PIK3AP1: variants seen among roughly 807,000 people sequenced by gnomAD.
PIK3AP1 encodes the protein phosphoinositide-3-kinase adaptor protein 1.
In PIK3AP1, 21 loss-of-function variants were observed where a neutral mutation model predicts 88.1. That is an observed-to-expected ratio of 0.24 (90% confidence interval 0.17 to 0.34). The LOEUF (loss-of-function observed/expected upper bound fraction) is 0.34. Ranked by LOEUF, PIK3AP1 falls within the 10% of genes least tolerant of loss-of-function variation. PIK3AP1 has a pLI of 1.00. For synonymous variants in PIK3AP1, 398 were observed against 400.0 expected, an observed-to-expected ratio of 1.00 and a Z score of 0.06; for missense variants, 828 against 1,035.7, an observed-to-expected ratio of 0.80 and a Z score of 2.75.
At chr10:96,648,567 G>C in intron 7 of PIK3AP1, 92 bp downstream of exon 7, 1 of 1,323,494 alleles carries the variant, frequency 7.6e-7, no homozygotes, top group Non-Finnish European at 1.0e-6. Flanking sequence ...GGACATGCTA[G>C]AGATAAAATC....
At chr10:96,632,753 A>G (rs1307441450) in intron 8 of PIK3AP1, 1 of 1,108,328 alleles carries the variant, frequency 9.0e-7, no homozygotes, top group Non-Finnish European at 1.3e-6. Context: ...TCACAGGATG[A>G]TTAGAAGCGT....
At chr10:96,615,380 T>C (rs933565326) in intron 13 of PIK3AP1, among the ~76,000 whole-genome samples, 2 of 152,130 alleles carry the variant, frequency 1.3e-5, no homozygotes, top group African/African-American at 4.8e-5. Context: ...ATGGGTTAAC[T>C]ATAGAGGGGC....
At chr10:96,643,569 G>A (rs1564967126) in intron 8 of PIK3AP1, among the ~76,000 whole-genome samples, 1 of 152,160 alleles carries the variant, frequency 6.6e-6, no homozygotes, top group East Asian at 1.9e-4. Context: ...GTTAGGTGAC[G>A]GAGAGGAGCT....
intron 6 of PIK3AP1, among the ~76,000 whole-genome samples, chr10:96,649,416 T>C (rs1366431637): frequency 1.3e-5 from 2 of 152,220 alleles, no homozygotes; most frequent in Non-Finnish European, 2.9e-5. Flanking sequence ...TGGAGAATCC[T>C]GAGAAAAAGT....
intron 2 of PIK3AP1, among the ~76,000 whole-genome samples, chr10:96,703,365 C>T (rs1307223540): frequency 6.6e-6 from 1 of 151,846 alleles, no homozygotes; most frequent in South Asian, 2.1e-4. Flanking sequence ...GAGGGAGGGG[C>T]GAGGCAAAGA....
intron 2 of PIK3AP1, among the ~76,000 whole-genome samples, chr10:96,692,835 G>T (rs1293949241): frequency 5.3e-5 from 8 of 152,074 alleles, no homozygotes; most frequent in African/African-American, 1.7e-4. Context: ...GTTCAGTTTT[G>T]TTTTTCAAAA....
chr10:96,659,337 T>A (rs979206033), intron 2 of PIK3AP1, among the ~76,000 whole-genome samples: 1 of 152,150 alleles, frequency 6.6e-6, no homozygotes, highest in Non-Finnish European at 1.5e-5. Flanking sequence ...GTGGCCACAG[T>A]GGCTGGAGTG....
chr10:96,676,200 C>A lies in PIK3AP1; in HGVS notation c.431-19266G>T, dbSNP rs187630801. ...CAAGCATTCTCAGGAACTTTCACCC[C>A]AAGAACAGGATCATCCTCAGGCTCT... On this transcript the variant is annotated intron_variant, in intron 2 of 16. Coordinates refer to ENST00000339364, the MANE Select transcript of PIK3AP1 (RefSeq NM_152309.3). Among the ~76,000 whole-genome samples the A allele has an allele frequency of 5.2e-3, 790 of 152,178 alleles. 7 individuals are homozygous for A. Among genetic ancestry groups the A allele is most frequent in the African/African-American group, 0.017 (717 of 41,492 alleles).
intron 1 of PIK3AP1, among the ~76,000 whole-genome samples, chr10:96,711,917 ATTTT>A (rs1408302072): frequency 6.9e-6 from 1 of 145,504 alleles, no homozygotes; most frequent in Non-Finnish European, 1.5e-5. Flanking sequence ...CGCCCGGCTA[ATTTT>A]TTTTTTTTAT....
chr10:96,656,663 A>C (rs1438211644), intron 3 of PIK3AP1, 135 bp downstream of exon 3: 1 of 1,328,032 alleles, frequency 7.5e-7, no homozygotes, highest in African/African-American at 1.5e-5. Context: ...CAGGGTACTC[A>C]AAAGAAATCC....
chr10:96,715,259 T>C (rs1445690857), intron 1 of PIK3AP1, among the ~76,000 whole-genome samples: 1 of 152,088 alleles, frequency 6.6e-6, no homozygotes, highest in Non-Finnish European at 1.5e-5. Context: ...CCAGTACTCC[T>C]CAAGACTGTC....
At position 96,648,776 on chromosome 10, in the gene PIK3AP1, G is replaced by A. The variant is rs544210415; in HGVS notation, c.1068C>T (p.Leu356=). ...ACGCCTGCAGGGCTCCTGGGCAGGT[G>A]AGCAACAAGGCAGTGAGGTTCTTCA... The part of the protein sequence containing the change: ...YGLKNLTALL[L]TCPGALQAYS... Residue 356 remains leucine, a synonymous_variant, in exon 7 of 17, where the codon CTC becomes CTT. Coordinates refer to ENST00000339364, the MANE Select transcript of PIK3AP1 (RefSeq NM_152309.3). The A allele has an allele frequency of 1.2e-5, 20 of 1,609,974 alleles. No homozygotes were observed. In the South Asian group the frequency reaches 2.0e-4, roughly 16 times the overall value.
intron 2 of PIK3AP1, among the ~76,000 whole-genome samples, chr10:96,698,949 G>C (rs1844257508): frequency 6.6e-6 from 1 of 151,830 alleles, no homozygotes; most frequent in East Asian, 1.9e-4. Flanking sequence ...AGGCCAAGGT[G>C]GGTGGATCAC....
chr10:96,652,988 C>T (rs943989933), intron 3 of PIK3AP1, 146 bp from the exon 4 acceptor site: 1 of 864,638 alleles, frequency 1.2e-6, no homozygotes, highest in African/African-American at 1.7e-5. Context: ...CAGTGCTGGG[C>T]AGTGAACTGT....
chr10:96,720,494 C>G lies in PIK3AP1; in HGVS notation c.-100G>C. On this transcript the variant is annotated 5_prime_UTR_variant, in exon 1 of 17. Coordinates refer to ENST00000339364, the MANE Select transcript of PIK3AP1 (RefSeq NM_152309.3). The surrounding 1 kb of genome is among the most constrained non-coding windows in gnomAD (Gnocchi z 4.6). ...CGGGCTGGAGGGGCGCCGGGCTCCG[C>G]GCGGGACCGGCCGCCGCTCTGGCGC... 1.8e-6 allele frequency: 2 copies of G among 1,094,090 alleles called. No individual in the cohort carries two copies. Among genetic ancestry groups the G allele is most frequent in the Non-Finnish European group, 2.3e-6 (2 of 874,538 alleles). The allele number at this position is 1,094,090 out of a possible 1,614,324, so 67.8% of individuals were successfully genotyped here.
At chr10:96,703,253 A>G (rs1844322210) in intron 2 of PIK3AP1, among the ~76,000 whole-genome samples, 1 of 152,222 alleles carries the variant, frequency 6.6e-6, no homozygotes, top group African/African-American at 2.4e-5. Context: ...CCAGATGTAG[A>G]TATATAGACA....
chr10:96,694,529 T>C (rs1483720355), intron 2 of PIK3AP1, among the ~76,000 whole-genome samples: 17 of 114,910 alleles, frequency 1.5e-4, no homozygotes, highest in Admixed American at 5.7e-4. Flanking sequence ...CTTCTCTCCC[T>C]CCTTTCTTTC....
At chr10:96,699,595 C>T (rs2134281818) in intron 2 of PIK3AP1, among the ~76,000 whole-genome samples, 1 of 152,254 alleles carries the variant, frequency 6.6e-6, no homozygotes, top group Middle Eastern at 3.4e-3. Context: ...ACTGTCTTTC[C>T]TGCTCTAACT....
chr10:96,638,490 A>G (rs199660164), intron 8 of PIK3AP1, among the ~76,000 whole-genome samples: 1 of 143,384 alleles, frequency 7.0e-6, no homozygotes. Context: ...ACACACACAC[A>G]CACACACGAA....
Sources: allele counts gnomAD v4.1 joint callset (sites outside exome capture counted in the v4.1 genomes callset), GRCh38; gene constraint gnomAD v4.1.1; non-coding constraint Gnocchi (gnomAD v3.1); transcripts MANE v1.5; gene names NCBI Gene and HGNC (gene_info 2026-07-23, HGNC 2026-07-21).